LINGO2: variants seen among roughly 807,000 people sequenced by gnomAD.
LINGO2 encodes leucine rich repeat and Ig domain containing 2.
LINGO2 carries 14 observed loss-of-function variants against 30.6 expected under a neutral mutation model. That is an observed-to-expected ratio of 0.46 (90% CI 0.30 to 0.72). The LOEUF is 0.72. LINGO2 is among the 30% of genes least tolerant of loss of function. LINGO2 has a pLI of 0.07. For synonymous variants in LINGO2, 317 were observed against 288.5 expected (o/e 1.10, Z -1.00); for missense variants, 729 against 751.7 (o/e 0.97, Z 0.35).
intron 1 of LINGO2, among the ~76,000 whole-genome samples, chr9:28,665,233 T>G (rs1465454848): frequency 6.6e-6 from 1 of 151,516 alleles, no homozygotes; most frequent in South Asian, 2.1e-4. Flanking sequence ...AAGAGAAAAA[T>G]GCAGTGGCAA....
intron 2 of LINGO2, among the ~76,000 whole-genome samples, chr9:28,396,431 G>A (rs144719285): frequency 0.011 from 1,740 of 152,070 alleles, 35 homozygotes; most frequent in African/African-American, 0.04. Context: ...TAGGCCGGGC[G>A]CAGTGGCTCA....
chr9:28,187,211 C>G (rs1244282826), intron 4 of LINGO2, among the ~76,000 whole-genome samples: 1 of 152,094 alleles, frequency 6.6e-6, no homozygotes, highest in Non-Finnish European at 1.5e-5. Flanking sequence ...TTCACTAAGG[C>G]CAGGCGCAGT....
Position 28,260,239 on chromosome 9 carries a change from AT to A in LINGO2, c.-87+34968del, listed in dbSNP as rs368518485. Among the ~76,000 whole-genome samples, 1,314 of 140,906 alleles carry A rather than the reference AT, an allele frequency of 9.3e-3. 2 individuals are homozygous for A. Among genetic ancestry groups the A allele is most frequent in the Middle Eastern group, 0.019 (5 of 270 alleles). 92.4% of individuals were successfully genotyped at this position (140,906 alleles called of 152,430 possible). A position where few individuals can be genotyped will look rare whatever the true frequency, so the allele number is the denominator to read the frequency against. On this transcript the variant is annotated intron_variant, in intron 4 of 5. Coordinates refer to ENST00000379992, the Ensembl canonical transcript of LINGO2. ...CAAAGTGGACAAATGATGACTTGTA[AT>A]TTTTTTTTTTTTTTTTACTTGGGAA... is the stretch of plus-strand genomic sequence containing the variant.
intron 1 of LINGO2, among the ~76,000 whole-genome samples, chr9:28,525,322 C>T (rs967855156): frequency 2.0e-5 from 3 of 152,204 alleles, no homozygotes; most frequent in African/African-American, 7.2e-5. Flanking sequence ...CATAAACCTA[C>T]CCTATGATAG....
chr9:29,062,845 G>A, the LINGO2 span, among the ~76,000 whole-genome samples: 2 of 152,096 alleles, frequency 1.3e-5, no homozygotes, highest in African/African-American at 4.8e-5. Context: ...CTGACTTTTT[G>A]TGATAACACT....
the LINGO2 span, among the ~76,000 whole-genome samples, chr9:28,816,894 A>C: frequency 3.9e-5 from 6 of 152,206 alleles, no homozygotes; most frequent in African/African-American, 1.4e-4. Context: ...AAGAGTACCC[A>C]ATGAAGCATT....
intron 4 of LINGO2, among the ~76,000 whole-genome samples, chr9:28,243,705 A>T (rs1405663564): frequency 6.6e-6 from 1 of 152,166 alleles, no homozygotes; most frequent in Non-Finnish European, 1.5e-5. Flanking sequence ...ACCAAAAAAG[A>T]TTAAAAGAAG....
At chr9:28,241,059 A>G (rs547713596) in intron 4 of LINGO2, among the ~76,000 whole-genome samples, 1 of 152,190 alleles carries the variant, frequency 6.6e-6, no homozygotes, top group African/African-American at 2.4e-5. Context: ...TCATGAGGTC[A>G]GGAGATCAAG....
chr9:28,666,710 C>T (rs1014122460), intron 1 of LINGO2, among the ~76,000 whole-genome samples: 2 of 152,006 alleles, frequency 1.3e-5, no homozygotes, highest in Admixed American at 1.3e-4. Context: ...CCTCAGAGAC[C>T]TCATATAAAT....
At chr9:28,615,576 C>G (rs964770905) in intron 1 of LINGO2, among the ~76,000 whole-genome samples, 1 of 152,012 alleles carries the variant, frequency 6.6e-6, no homozygotes, top group African/African-American at 2.4e-5. Context: ...TAACAACATA[C>G]TATATAACAA....
At chr9:28,883,580 A>G in the LINGO2 span, among the ~76,000 whole-genome samples, 9 of 145,430 alleles carry the variant, frequency 6.2e-5, no homozygotes, top group African/African-American at 2.3e-4. Flanking sequence ...CCTTCAGTGT[A>G]TATTAATCAC....
the LINGO2 span, among the ~76,000 whole-genome samples, chr9:29,116,775 A>G: frequency 4.2e-3 from 639 of 152,206 alleles, 2 homozygotes; most frequent in African/African-American, 0.015. Flanking sequence ...AAAGTACACT[A>G]TTTCATTTGC....
At chr9:28,449,834 C>T (rs551558478) in intron 2 of LINGO2, among the ~76,000 whole-genome samples, 135 of 152,090 alleles carry the variant, frequency 8.9e-4, no homozygotes, top group African/African-American at 3.2e-3. Context: ...TTGGTGACAC[C>T]ATCCACTGAG....
At chr9:28,730,321 TG>T in the LINGO2 span, among the ~76,000 whole-genome samples, 1 of 152,206 alleles carries the variant, frequency 6.6e-6, no homozygotes, top group Non-Finnish European at 1.5e-5. Flanking sequence ...GAGACTTATC[TG>T]TTTAGGGCTG....
chr9:28,613,942 T>TC (rs1194789095), intron 1 of LINGO2, among the ~76,000 whole-genome samples: 1 of 152,144 alleles, frequency 6.6e-6, no homozygotes, highest in East Asian at 1.9e-4. Flanking sequence ...ATATCGTTTT[T>TC]CATATCAAAA....
chr9:28,066,288 AG>A (rs1168398947), intron 4 of LINGO2, among the ~76,000 whole-genome samples: 33 of 152,238 alleles, frequency 2.2e-4, no homozygotes, highest in East Asian at 5.8e-4. Context: ...AAAAGTTTGG[AG>A]AAATGTCAGT....
chr9:28,628,445 T>C (rs1826785497), intron 1 of LINGO2, among the ~76,000 whole-genome samples: 1 of 152,138 alleles, frequency 6.6e-6, no homozygotes, highest in Non-Finnish European at 1.5e-5. Context: ...ATTTCAGTTC[T>C]GTGCACTATG....
the LINGO2 span, among the ~76,000 whole-genome samples, chr9:29,141,395 A>G: frequency 6.6e-6 from 1 of 151,878 alleles, no homozygotes; most frequent in African/African-American, 2.4e-5. Context: ...GGAAACTACA[A>G]AGAAAATACT....
intron 4 of LINGO2, among the ~76,000 whole-genome samples, chr9:28,014,673 GTT>G (rs1180382485): frequency 6.6e-6 from 1 of 152,124 alleles, no homozygotes; most frequent in African/African-American, 2.4e-5. Flanking sequence ...ATGTAGACAA[GTT>G]TTTATTTCCC....
Sources: allele counts gnomAD v4.1 joint callset (sites outside exome capture counted in the v4.1 genomes callset), GRCh38; gene constraint gnomAD v4.1.1; transcripts MANE v1.5; gene names NCBI Gene and HGNC (gene_info 2026-07-23, HGNC 2026-07-21).